Variants in PCDHGB1 observed in about 807,000 individuals in gnomAD.
PCDHGB1 encodes the protein protocadherin gamma-B1.
Under a neutral mutation model 56.6 loss-of-function variants are expected in PCDHGB1, and 34 were observed. The ratio of observed to expected loss-of-function variants is 0.60; its 90% confidence interval spans 0.46 to 0.80. The LOEUF is 0.80. Among genes scored for constraint, PCDHGB1 ranks in the 30% least tolerant of loss-of-function variants. The pLI is 0.00. For missense variants in PCDHGB1, 1,278 were observed against 1,204.6 expected (o/e 1.06, Z -0.90); for synonymous variants, 561 against 505.9 (o/e 1.11, Z -1.46).
At chr5:141,372,817 T>C (rs933851148) in intron 1 of PCDHGB1, 2 of 1,572,230 alleles carry the variant, frequency 1.3e-6, no homozygotes, top group Non-Finnish European at 1.7e-6. Context: ...AAGGTGAGTT[T>C]CTTCAAACCT....
chr5:141,404,298 C>A, intron 1 of PCDHGB1: 3 of 1,613,868 alleles, frequency 1.9e-6, no homozygotes, highest in Non-Finnish European at 2.5e-6. Flanking sequence ...AATGATAATC[C>A]ACCTGCTTTC....
chr5:141,403,614 G>C (rs772617526), intron 1 of PCDHGB1: 1 of 1,613,860 alleles, frequency 6.2e-7, no homozygotes, highest in Admixed American at 1.7e-5. Context: ...GGCGAGCCGC[G>C]TCGCTCCAGC....
intron 1 of PCDHGB1, chr5:141,382,938 C>G (rs1778602174): frequency 6.3e-7 from 1 of 1,592,964 alleles, no homozygotes; most frequent in Admixed American, 1.7e-5. Context: ...ACAGAGGATT[C>G]TTCCTGCTCT....
chr5:141,371,355 G>T (rs369960328), intron 1 of PCDHGB1: 6 of 1,613,974 alleles, frequency 3.7e-6, no homozygotes, highest in Non-Finnish European at 3.4e-6. Flanking sequence ...TGGGGTGGAA[G>T]CAAAGGATGG....
Position 141,423,601 on chromosome 5 carries a change from C to T in PCDHGB1, c.2409+70932C>T, listed in dbSNP as rs372165060. On this transcript the variant is annotated intron_variant, in intron 1 of 3. Transcript: ENST00000523390. The stretch of plus-strand genomic sequence containing the variant: ...GGAGAGCTGTGAGAAAAGCGAGCCA[C>T]TCTTGATAGCTGAAGACTCAGCTAT... The T allele has an allele frequency of 1.9e-6, 3 of 1,612,586 alleles. No homozygotes were observed. Among genetic ancestry groups the T allele is most frequent in the Admixed American group, 1.7e-5 (1 of 59,924 alleles).
chr5:141,438,623 TATATATATATATACACAC>T (rs1435936123), intron 1 of PCDHGB1, among the ~76,000 whole-genome samples: 532 of 42,826 alleles, frequency 0.012, 5 homozygotes, highest in African/African-American at 0.075. Flanking sequence ...TATATATATA[TATATATATATATACACAC>T]ACACACACAC....
chr5:141,364,576 C>A, intron 1 of PCDHGB1: 2 of 1,614,210 alleles, frequency 1.2e-6, no homozygotes, highest in East Asian at 4.5e-5. Context: ...CGCGAAGCGG[C>A]AGCTTGGTCA....
At chr5:141,392,847 G>A (rs759327251) in intron 1 of PCDHGB1, 2 of 1,610,450 alleles carry the variant, frequency 1.2e-6, no homozygotes, top group Non-Finnish European at 1.7e-6. Context: ...CAGACGCGGC[G>A]AGCTGATCCT....
At chr5:141,445,890 T>A (rs1435563284) in intron 1 of PCDHGB1, among the ~76,000 whole-genome samples, 1 of 152,210 alleles carries the variant, frequency 6.6e-6, no homozygotes, top group Non-Finnish European at 1.5e-5. Flanking sequence ...ACTTAGGAGC[T>A]ATTAAAATAT....
intron 1 of PCDHGB1, among the ~76,000 whole-genome samples, chr5:141,407,776 A>G (rs1248399145): frequency 2.0e-5 from 3 of 152,234 alleles, no homozygotes; most frequent in Non-Finnish European, 4.4e-5. Context: ...TGTGCATAAT[A>G]GATTTATTTA....
intron 1 of PCDHGB1, among the ~76,000 whole-genome samples, chr5:141,452,455 C>T (rs2098741536): frequency 6.6e-6 from 1 of 152,208 alleles, no homozygotes; most frequent in Non-Finnish European, 1.5e-5. Flanking sequence ...GCCTTGTCAG[C>T]AGACGGAGCT....
rs1431906047 is a variant in PCDHGB1, at chr5:141,485,858, C to T, written c.2410-8949C>T. On this transcript the variant is annotated intron_variant, in intron 1 of 3. Transcript: ENST00000523390. This position sits in a 1 kb window ranked among gnomAD's most constrained non-coding sequence, Gnocchi z 5.7. ...GCCGAGATCTGGCACCGCAGAGCTC[C>T]GGGTATCCGTGCTGGACGTAAACGA... The T allele has an allele frequency of 1.9e-6, 3 of 1,614,162 alleles. No individual in the cohort carries two copies. The highest frequency in any genetic ancestry group is 2.5e-6 in the Non-Finnish European group (3 of 1,180,028).
Position 141,376,584 on chromosome 5 carries a change from T to C in PCDHGB1, c.2409+23915T>C, listed in dbSNP as rs770132968. On this transcript the variant is annotated intron_variant, in intron 1 of 3. Coordinates refer to ENST00000523390, the MANE Select transcript of PCDHGB1 (RefSeq NM_018922.3). Reference sequence around the variant, plus strand: ...CAACTAATCAGACAGGCTCATCAGCTAGATCGGCTGTTATAGAAGCGAACC... The same window carrying C: ...CAACTAATCAGACAGGCTCATCAGCCAGATCGGCTGTTATAGAAGCGAACC... 12 of 1,584,754 alleles carry C rather than the reference T, an allele frequency of 7.6e-6. No individual in the cohort carries two copies. In the East Asian group the frequency reaches 2.2e-4, roughly 30 times the overall value.
intron 3 of PCDHGB1, among the ~76,000 whole-genome samples, chr5:141,509,429 T>G (rs2099876771): frequency 6.6e-6 from 1 of 151,964 alleles, no homozygotes; most frequent in Non-Finnish European, 1.5e-5. Context: ...TGAGTCAAAC[T>G]CTTGTTTCCT....
rs2097721634 is a variant in PCDHGB1, at chr5:141,434,835, A to G, written c.2410-59972A>G. On this transcript the variant is annotated intron_variant, in intron 1 of 3. Coordinates refer to ENST00000523390, the MANE Select transcript of PCDHGB1 (RefSeq NM_018922.3). ...ATATCCCTTAGTACACTTGGCATTT[A>G]TAAAGCAGACATCAATAAATTTATA... 2.0e-5 allele frequency among the ~76,000 whole-genome samples: 3 copies of G among 151,972 alleles called. 1 individual carries two copies. In the South Asian group the frequency reaches 6.2e-4, roughly 32 times the overall value.
intron 1 of PCDHGB1, chr5:141,355,394 G>T: frequency 2.5e-6 from 4 of 1,614,058 alleles, no homozygotes; most frequent in Non-Finnish European, 3.4e-6. Flanking sequence ...CGCGGAGTCC[G>T]CATCGTCTCC....
chr5:141,371,427 C>G lies in PCDHGB1; in HGVS notation c.2409+18758C>G, dbSNP rs773502490. The stretch of plus-strand genomic sequence containing the variant: ...TATTTCAGATGAAAATGACAATGCC[C>G]CGGAGATAACCCTGGCTTCTGAATC... On this transcript the variant is annotated intron_variant, in intron 1 of 3. Transcript: ENST00000523390. 1.9e-6 allele frequency: 3 copies of G among 1,613,898 alleles called. No homozygotes were observed. Among genetic ancestry groups the G allele is most frequent in the South Asian group, 2.2e-5 (2 of 91,072 alleles).
chr5:141,432,286 C>T lies in PCDHGB1; in HGVS notation c.2410-62521C>T. ...TATCGTCCTACGTGTCCATCAACTCCGACACTGGGGTACTGTATGCGCTGA... is the reference window on the plus strand; with the variant it reads ...TATCGTCCTACGTGTCCATCAACTCTGACACTGGGGTACTGTATGCGCTGA... On this transcript the variant is annotated intron_variant, in intron 1 of 3. Transcript: ENST00000523390. This position sits in a 1 kb window ranked among gnomAD's most constrained non-coding sequence, Gnocchi z 6.0. 3 of 1,614,252 alleles carry T rather than the reference C, an allele frequency of 1.9e-6. No homozygotes were observed. Among genetic ancestry groups the T allele is most frequent in the Non-Finnish European group, 2.5e-6 (3 of 1,180,048 alleles).
chr5:141,388,903 A>G (rs910200040), intron 1 of PCDHGB1: 14 of 1,614,010 alleles, frequency 8.7e-6, no homozygotes, highest in Non-Finnish European at 1.2e-5. Flanking sequence ...GATGAAAATG[A>G]CAACGCCCCA....
Sources: gnomAD v4.1 joint callset for allele counts (sites outside exome capture counted in the v4.1 genomes callset) on GRCh38, gnomAD v4.1.1 for gene constraint, Gnocchi (gnomAD v3.1) non-coding constraint, MANE v1.5 for transcripts, NCBI Gene and HGNC (gene_info 2026-07-23, HGNC 2026-07-21) for gene names.